Variants in HK1 observed in about 807,000 individuals in gnomAD.
HK1 encodes hexokinase-1.
A neutral mutation model predicts 91.6 loss-of-function variants in HK1; 28 were observed. The observed-to-expected ratio is 0.31, with a 90% CI of 0.23 to 0.42. The LOEUF is 0.42. Ranked by LOEUF, HK1 falls within the 10% of genes least tolerant of loss-of-function variation. HK1 has a pLI of 1.00. For synonymous variants in HK1, 430 were observed against 468.1 expected (o/e 0.92, Z 1.05); for missense variants, 770 against 1,219.8 (o/e 0.63, Z 5.49).
chr10:69,389,139 G>A (rs1839780711), intron 13 of HK1, 58 bp from the exon 14 acceptor site: 6 of 1,326,008 alleles, frequency 4.5e-6, no homozygotes, highest in Non-Finnish European at 6.5e-6. Context: ...AGAACCGGCA[G>A]CATTCAAGCC....
chr10:69,354,226 T>G (rs1237441409), intron 2 of HK1, among the ~76,000 whole-genome samples: 1 of 152,186 alleles, frequency 6.6e-6, no homozygotes, highest in Non-Finnish European at 1.5e-5. Context: ...GTGTCTCACA[T>G]GATGGCGTAA....
intron 3 of HK1, among the ~76,000 whole-genome samples, chr10:69,290,090 G>GC (rs1057237325): frequency 1.3e-5 from 2 of 151,996 alleles, no homozygotes; most frequent in African/African-American, 4.8e-5. Flanking sequence ...GTTCCACCCC[G>GC]CCCCCCACCA....
chr10:69,333,763 C>G (rs10823345), intron 1 of HK1, among the ~76,000 whole-genome samples: 33,412 of 151,938 alleles, frequency 0.22, 4,855 homozygotes, highest in African/African-American at 0.4. Flanking sequence ...GCTTAGAGCA[C>G]CCAGCGTGGG....
chr10:69,358,863 C>CAAAAAAAA (rs771610951), intron 2 of HK1, among the ~76,000 whole-genome samples: 2 of 80,450 alleles, frequency 2.5e-5, no homozygotes, highest in African/African-American at 9.1e-5. Context: ...AGCTCTGTCT[C>CAAAAAAAA]AAAAAAAAAA....
At chr10:69,332,237 C>T (rs1339810007) in intron 1 of HK1, among the ~76,000 whole-genome samples, 1 of 152,092 alleles carries the variant, frequency 6.6e-6, no homozygotes, top group Non-Finnish European at 1.5e-5. Context: ...TCTGGGCATC[C>T]TTGGGCCTCA....
intron 2 of HK1, among the ~76,000 whole-genome samples, chr10:69,346,633 T>A (rs72807708): frequency 0.032 from 4,887 of 152,056 alleles, 133 homozygotes; most frequent in African/African-American, 0.064. Flanking sequence ...CCCAAAGTGC[T>A]GGGATTACAG....
chr10:69,292,504 G>A (rs1284268079), intron 3 of HK1, among the ~76,000 whole-genome samples: 3 of 152,182 alleles, frequency 2.0e-5, no homozygotes, highest in African/African-American at 7.2e-5. Context: ...TGCTATGCAA[G>A]CTTCCAGGAA....
chr10:69,395,138 A>C, intron 16 of HK1, 33 bp downstream of exon 16: 1 of 1,608,488 alleles, frequency 6.2e-7, no homozygotes, highest in African/African-American at 1.3e-5. Context: ...GCCAGCGCCC[A>C]CCCTTCAGAG....
intron 5 of HK1, among the ~76,000 whole-genome samples, chr10:69,304,844 A>G (rs73263677): frequency 0.021 from 3,187 of 152,232 alleles, 111 homozygotes; most frequent in African/African-American, 0.071. Flanking sequence ...GGTTGTTTGC[A>G]GCGTTCGGTT....
At chr10:69,293,151 G>T (rs1231725576) in intron 3 of HK1, among the ~76,000 whole-genome samples, 2 of 152,138 alleles carry the variant, frequency 1.3e-5, no homozygotes, top group African/African-American at 2.4e-5. Context: ...TCCCTATCTG[G>T]CATCTTCTGT....
intron 5 of HK1, among the ~76,000 whole-genome samples, chr10:69,303,005 C>T (rs1055642749): frequency 3.9e-5 from 6 of 152,040 alleles, no homozygotes; most frequent in African/African-American, 1.4e-4. Context: ...GCTCAAATGC[C>T]GCATCTTCAG....
intron 4 of HK1, among the ~76,000 whole-genome samples, chr10:69,365,987 T>C (rs10998746): frequency 0.18 from 26,766 of 152,028 alleles, 2,822 homozygotes; most frequent in Non-Finnish European, 0.24. Context: ...CCCACCACCA[T>C]GTCCGGCTAA....
chr10:69,325,528 T>C (rs10823341), intron 1 of HK1, among the ~76,000 whole-genome samples: 56,042 of 145,270 alleles, frequency 0.39, 11,190 homozygotes, highest in East Asian at 0.71. Flanking sequence ...TGGCCTGCAT[T>C]TTTTTTTTTT....
intron 9 of HK1, 129 bp from the exon 10 acceptor site, chr10:69,382,356 CAG>C (rs1839430350): frequency 2.1e-6 from 2 of 969,110 alleles, no homozygotes; most frequent in Non-Finnish European, 3.3e-6. Flanking sequence ...GCCTGGGTGA[CAG>C]AGCAAGACCC....
chr10:69,293,855 CTTTT>C (rs34434447), intron 3 of HK1, among the ~76,000 whole-genome samples: 24 of 98,968 alleles, frequency 2.4e-4, no homozygotes, highest in South Asian at 6.8e-4. Context: ...ATATTTCTTT[CTTTT>C]TTTTTTTTTT....
At chr10:69,295,223 G>T (rs1467997279) in intron 3 of HK1, among the ~76,000 whole-genome samples, 1 of 152,146 alleles carries the variant, frequency 6.6e-6, no homozygotes, top group African/African-American at 2.4e-5. Context: ...GTAGGGATTA[G>T]ATGCCTGTGC....
Position 69,369,190 on chromosome 10 carries a change from T to A in HK1, c.592-47T>A. 7.1e-7 allele frequency: 1 copy of A among 1,402,666 alleles called. No individual in the cohort carries two copies. Among genetic ancestry groups the A allele is most frequent in the South Asian group, 1.2e-5 (1 of 86,450 alleles). The allele number at this position is 1,402,666 out of a possible 1,614,324, so 86.9% of individuals were successfully genotyped here. A position where few individuals can be genotyped will look rare whatever the true frequency, so the allele number is the denominator to read the frequency against. On this transcript the variant is annotated intron_variant, in intron 5 of 17. Transcript: ENST00000359426. This position sits in a 1 kb window ranked among gnomAD's most constrained non-coding sequence, Gnocchi z 4.4. ...AAGCGCTGTTAAGGTGTGTGATCTCTGCTCCCATGTGTGAGTGGACAATGA... is the reference window on the plus strand; with the variant it reads ...AAGCGCTGTTAAGGTGTGTGATCTCAGCTCCCATGTGTGAGTGGACAATGA...
rs776236276 is a variant in HK1, at chr10:69,368,570, C to T, written c.530C>T (p.Ala177Val). The T allele has an allele frequency of 3.2e-5, 52 of 1,614,064 alleles. No individual in the cohort carries two copies. The Admixed American group carries it at 6.0e-4, about 19-fold the overall frequency. ...ILITWTKRFK[A>V]SGVEGADVVK... ...ATCACCTGGACAAAGCGATTTAAAG[C>T]GAGCGGAGTGGAAGGAGCAGATGTG... Residue 177 changes from alanine (A) to valine (V), a missense_variant, in exon 5 of 18, where the codon GCG becomes GTG. Coordinates refer to ENST00000359426, the MANE Select transcript of HK1 (RefSeq NM_000188.3).
upstream of HK1, among the ~76,000 whole-genome samples, chr10:69,312,703 T>G (rs1478772010): frequency 2.0e-5 from 3 of 152,138 alleles, no homozygotes; most frequent in Non-Finnish European, 4.4e-5. Flanking sequence ...AGACAGGCAT[T>G]TTATCCCTCT....
Sources: gnomAD v4.1 joint callset for allele counts (sites outside exome capture counted in the v4.1 genomes callset) on GRCh38, gnomAD v4.1.1 for gene constraint, Gnocchi (gnomAD v3.1) non-coding constraint, MANE v1.5 for transcripts, NCBI Gene and HGNC (gene_info 2026-07-23, HGNC 2026-07-21) for gene names.